Variants in LEP observed in about 807,000 individuals in gnomAD.
The protein encoded by LEP is leptin.
A neutral mutation model predicts 9.8 loss-of-function variants in LEP; 6 were observed. The observed-to-expected ratio is 0.61, with a 90% CI of 0.34 to 1.21. The LOEUF (loss-of-function observed/expected upper bound fraction) is 1.21. LEP is among the 50% of genes most tolerant of loss of function. The pLI, the probability that LEP is intolerant of heterozygous loss-of-function variation, is 0.04. For missense variants in LEP, 134 were observed against 198.1 expected (o/e 0.68, Z 1.94); for synonymous variants, 112 against 81.7 (o/e 1.37, Z -2.00).
intron 1 of LEP, among the ~76,000 whole-genome samples, chr7:128,246,635 TTA>T (rs201956597): frequency 2.3e-4 from 32 of 139,392 alleles, no homozygotes; most frequent in Admixed American, 5.4e-4. Flanking sequence ...ATTTTTATTT[TTA>T]TTTTTTTTAG....
Position 128,254,841 on chromosome 7 carries a change from G to A in LEP, c.*78G>A. ...GCTTCCAGGTATCTCCAGGATTGAA[G>A]AGCATTGCATGGACACCCCTTATCC... On this transcript the variant is annotated 3_prime_UTR_variant, in exon 3 of 3. Coordinates refer to ENST00000308868, the MANE Select transcript of LEP (RefSeq NM_000230.3). The A allele has an allele frequency of 6.6e-7, 1 of 1,512,208 alleles. No individual in the cohort carries two copies. The highest frequency in any genetic ancestry group is 9.0e-7 in the Non-Finnish European group (1 of 1,106,868). The allele number at this position is 1,512,208 out of a possible 1,614,324, so 93.7% of individuals were successfully genotyped here. A position where few individuals can be genotyped will look rare whatever the true frequency, so the allele number is the denominator to read the frequency against.
rs201660972 is a variant in LEP, at chr7:128,254,954, T to C, written c.*191T>C. On this transcript the variant is annotated 3_prime_UTR_variant, in exon 3 of 3. Transcript: ENST00000308868. The stretch of plus-strand genomic sequence containing the variant: ...CTCCTTTTGCTTGAAACCAAAGATA[T>C]ATACACAGGATCCTATTCTCACCAG... 1.5e-6 allele frequency: 1 copy of C among 649,218 alleles called. No individual in the cohort carries two copies. The highest frequency in any genetic ancestry group is 2.4e-5 in the Admixed American group (1 of 41,488). 40.2% of individuals were successfully genotyped at this position (649,218 alleles called of 1,614,324 possible).
chr7:128,248,677 G>A (rs1391283365), intron 1 of LEP, among the ~76,000 whole-genome samples: 1 of 152,140 alleles, frequency 6.6e-6, no homozygotes, highest in Non-Finnish European at 1.5e-5. Context: ...TTGCTTAAGG[G>A]CACAGTTTTG....
chr7:128,251,923 G>T, intron 1 of LEP, 68 bp from the exon 2 acceptor site: 1 of 1,244,536 alleles, frequency 8.0e-7, no homozygotes, highest in Non-Finnish European at 1.2e-6. Flanking sequence ...TAATGTGGTT[G>T]GTAATGTGAA....
chr7:128,257,462 G>A lies in LEP; in HGVS notation c.*2699G>A, dbSNP rs968186365. The A allele has an allele frequency of 1.3e-5, 2 of 151,484 alleles. No individual in the cohort carries two copies. Among genetic ancestry groups the A allele is most frequent in the Non-Finnish European group, 2.9e-5 (2 of 67,956 alleles). 9.4% of individuals were successfully genotyped at this position (151,484 alleles called of 1,614,324 possible). A position where few individuals can be genotyped will look rare whatever the true frequency, so the allele number is the denominator to read the frequency against. Reference sequence around the variant, plus strand: ...CGGGCGCCTGTAGTCCCAGCCACTCGGGAGGCTGAGACAGGAGAATCGCTT... The same window carrying A: ...CGGGCGCCTGTAGTCCCAGCCACTCAGGAGGCTGAGACAGGAGAATCGCTT... On this transcript the variant is annotated 3_prime_UTR_variant, in exon 3 of 3. Coordinates refer to ENST00000308868, the MANE Select transcript of LEP (RefSeq NM_000230.3).
chr7:128,248,918 G>A (rs1285943188), intron 1 of LEP, among the ~76,000 whole-genome samples: 4 of 152,180 alleles, frequency 2.6e-5, no homozygotes, highest in African/African-American at 9.7e-5. Context: ...AGTAATTATG[G>A]TATGTCAGGC....
At chr7:128,241,501 T>G (rs1181300782) in intron 1 of LEP, among the ~76,000 whole-genome samples, 195 bp downstream of exon 1, 1 of 152,174 alleles carries the variant, frequency 6.6e-6, no homozygotes, top group Non-Finnish European at 1.5e-5. Flanking sequence ...AGCGTTGGAT[T>G]TGCTGCTGGG....
chr7:128,248,910 T>A (rs2116215632), intron 1 of LEP, among the ~76,000 whole-genome samples: 1 of 152,344 alleles, frequency 6.6e-6, no homozygotes, highest in South Asian at 2.1e-4. Flanking sequence ...CTATATTGAG[T>A]AATTATGGTA....
intron 2 of LEP, among the ~76,000 whole-genome samples, chr7:128,252,851 A>C (rs1795291773): frequency 6.6e-6 from 1 of 152,184 alleles, no homozygotes; most frequent in Admixed American, 6.5e-5. Context: ...GGAGTTCAAG[A>C]CCAGCCTGGG....
chr7:128,241,822 G>A (rs941038153), intron 1 of LEP, among the ~76,000 whole-genome samples: 2 of 152,240 alleles, frequency 1.3e-5, no homozygotes, highest in Admixed American at 6.5e-5. Context: ...ATGCCTGGGA[G>A]GAAGGCAAGG....
Position 128,257,268 on chromosome 7 carries a change from TA to T in LEP, c.*2521del, listed in dbSNP as rs57653562. The T allele has an allele frequency of 7.6e-3, 1,028 of 136,058 alleles. 1 individual carries two copies. Among genetic ancestry groups the T allele is most frequent in the Middle Eastern group, 7.5e-3 (2 of 268 alleles). 8.4% of individuals were successfully genotyped at this position (136,058 alleles called of 1,614,324 possible). The stretch of plus-strand genomic sequence containing the variant: ...TAAATGGTTGTCTGTTTTTGTAACT[TA>T]AAAAAAAAAAAAAAAGTTTGGCCGG... On this transcript the variant is annotated 3_prime_UTR_variant, in exon 3 of 3. Transcript: ENST00000308868.
Position 128,256,848 on chromosome 7 carries a change from G to T in LEP, c.*2085G>T, listed in dbSNP as rs559480281. 6.6e-6 allele frequency: 1 copy of T among 152,368 alleles called. No homozygotes were observed. Among genetic ancestry groups the T allele is most frequent in the South Asian group, 2.1e-4 (1 of 4,820 alleles). 9.4% of individuals were successfully genotyped at this position (152,368 alleles called of 1,614,324 possible). On this transcript the variant is annotated 3_prime_UTR_variant, in exon 3 of 3. Coordinates refer to ENST00000308868, the MANE Select transcript of LEP (RefSeq NM_000230.3). Reference sequence around the variant, plus strand: ...GGGACTGGAACCAGGGAGACCGAGCGCTTTCTGGAAAAGAGGAGTTTCGAG... The same window carrying T: ...GGGACTGGAACCAGGGAGACCGAGCTCTTTCTGGAAAAGAGGAGTTTCGAG...
At chr7:128,250,494 G>A (rs1377915664) in intron 1 of LEP, among the ~76,000 whole-genome samples, 4 of 151,986 alleles carry the variant, frequency 2.6e-5, no homozygotes, top group Non-Finnish European at 2.9e-5. Context: ...TGGGTGGCTC[G>A]CACTCCTGCT....
Position 128,241,857 on chromosome 7 carries a change from G to C in LEP, c.-29+551G>C, listed in dbSNP as rs1795155173. Reference sequence around the variant, plus strand: ...GATGAGTAGAGGTGGGGGGAAACAAGTGTCAGGAAGACTCAAAATCTTCCA... The same window carrying C: ...GATGAGTAGAGGTGGGGGGAAACAACTGTCAGGAAGACTCAAAATCTTCCA... On this transcript the variant is annotated intron_variant, in intron 1 of 2. Coordinates refer to ENST00000308868, the MANE Select transcript of LEP (RefSeq NM_000230.3). 2.6e-5 allele frequency among the ~76,000 whole-genome samples: 4 copies of C among 152,214 alleles called. No homozygotes were observed. In the South Asian group the frequency reaches 8.3e-4, roughly 32 times the overall value.
chr7:128,243,509 G>T (rs1795175590), intron 1 of LEP, among the ~76,000 whole-genome samples: 1 of 152,168 alleles, frequency 6.6e-6, no homozygotes, highest in Admixed American at 6.5e-5. Context: ...TCCAGGGACG[G>T]CAGTCAAGAT....
chr7:128,253,496 A>T (rs1345504996), intron 2 of LEP, among the ~76,000 whole-genome samples: 2 of 152,158 alleles, frequency 1.3e-5, no homozygotes, highest in Non-Finnish European at 2.9e-5. Context: ...CATCATCTGG[A>T]TAATGGGGAT....
intron 1 of LEP, 42 bp downstream of exon 1, chr7:128,241,348 T>A: frequency 6.5e-6 from 1 of 153,778 alleles, no homozygotes; most frequent in East Asian, 1.9e-4. Context: ...CTGCTGGTCT[T>A]TCTTGGCAGG....
intron 1 of LEP, among the ~76,000 whole-genome samples, chr7:128,248,681 A>T (rs1474618299): frequency 6.6e-6 from 1 of 152,258 alleles, no homozygotes; most frequent in African/African-American, 2.4e-5. Context: ...TTAAGGGCAC[A>T]GTTTTGTTCT....
chr7:128,251,852 T>C, intron 1 of LEP, 139 bp from the exon 2 acceptor site: 1 of 715,546 alleles, frequency 1.4e-6, no homozygotes, highest in Non-Finnish European at 2.5e-6. Flanking sequence ...ATGAATTGTC[T>C]TTGACTTTGA....
Sources: gnomAD v4.1 joint callset for allele counts (sites outside exome capture counted in the v4.1 genomes callset) on GRCh38, gnomAD v4.1.1 for gene constraint, MANE v1.5 for transcripts, NCBI Gene and HGNC (gene_info 2026-07-23, HGNC 2026-07-21) for gene names.